The following SLC12A6 variants were observed in gnomAD, a reference collection of about 807,000 sequenced individuals.
The protein encoded by SLC12A6 is solute carrier family 12 member 6, also known as K-Cl cotransporter 3.
A neutral mutation model predicts 135.3 loss-of-function variants in SLC12A6; 66 were observed. That is an observed-to-expected ratio of 0.49 (90% CI 0.40 to 0.60). The LOEUF (loss-of-function observed/expected upper bound fraction) is 0.60, where lower values mean the gene tolerates loss of function less well. Among genes scored for constraint, SLC12A6 ranks in the 20% least tolerant of loss-of-function variants. The pLI, the probability that SLC12A6 is intolerant of heterozygous loss-of-function variation, is 0.00. For missense variants in SLC12A6, 1,058 were observed against 1,452.3 expected (o/e 0.73, Z 4.41); for synonymous variants, 513 against 508.8 (o/e 1.01, Z -0.11).
chr15:34,279,269 A>C (rs1481385469), intron 2 of SLC12A6, among the ~76,000 whole-genome samples: 1 of 151,994 alleles, frequency 6.6e-6, no homozygotes, highest in Non-Finnish European at 1.5e-5. Context: ...AGTGGAGATC[A>C]GGCCACTGCA....
chr15:34,318,636 C>A (rs757242571), intron 2 of SLC12A6: 6 of 1,613,352 alleles, frequency 3.7e-6, no homozygotes, highest in Middle Eastern at 1.7e-4. Flanking sequence ...GCCGCTGCCC[C>A]CTCCTCTGGG....
At chr15:34,321,645 C>T (rs1026733337) in intron 2 of SLC12A6, among the ~76,000 whole-genome samples, 1 of 152,066 alleles carries the variant, frequency 6.6e-6, no homozygotes, top group African/African-American at 2.4e-5. Flanking sequence ...AAATATATTC[C>T]CACAAAAGGA....
chr15:34,283,671 G>A (rs192870269), intron 2 of SLC12A6, among the ~76,000 whole-genome samples: 147 of 152,174 alleles, frequency 9.7e-4, no homozygotes, highest in African/African-American at 3.4e-3. Flanking sequence ...AAATTAGGTA[G>A]GCACTACATC....
Position 34,336,505 on chromosome 15 carries a change from G to A in SLC12A6, c.176C>T (p.Pro59Leu). ...ESVPETSRSE[P>L]MSEMSGATTS... ...GGTGGCCCCAGACATCTCACTCATA[G>A]GCTCACTCCGGCTTGTTTCAGGCAC... The change falls in exon 2 of 26, where the codon CCT (proline) becomes CTT (leucine). Residue 59 changes from proline (P) to leucine (L), a missense_variant. Transcript: ENST00000354181. The A allele has an allele frequency of 6.2e-7, 1 of 1,613,808 alleles. No homozygotes were observed. The highest frequency in any genetic ancestry group is 8.5e-7 in the Non-Finnish European group (1 of 1,179,768).
intron 13 of SLC12A6, among the ~76,000 whole-genome samples, chr15:34,248,560 ACC>A (rs1555379195): frequency 2.6e-3 from 219 of 84,976 alleles, no homozygotes; most frequent in South Asian, 3.5e-3. Flanking sequence ...ACATATATAC[ACC>A]CCCACCCACA....
chr15:34,238,643 G>A, intron 20 of SLC12A6: 3 of 599,490 alleles, frequency 5.0e-6, no homozygotes, highest in Non-Finnish European at 8.9e-6. Context: ...GGGGGGATAT[G>A]TGAATTTGAG....
intron 3 of SLC12A6, among the ~76,000 whole-genome samples, chr15:34,270,278 A>G (rs1212594803): frequency 6.7e-6 from 1 of 149,022 alleles, no homozygotes; most frequent in Non-Finnish European, 1.5e-5. Context: ...TTTTGTAGAG[A>G]TGGGTTCTTG....
chr15:34,235,409 C>T, intron 24 of SLC12A6, 95 bp from the exon 25 acceptor site: 1 of 845,856 alleles, frequency 1.2e-6, no homozygotes, highest in South Asian at 1.4e-5. Context: ...TTTCACTTGA[C>T]TATGGATAAT....
chr15:34,252,944 C>T (rs1209588324), intron 9 of SLC12A6, among the ~76,000 whole-genome samples: 1 of 152,172 alleles, frequency 6.6e-6, no homozygotes, highest in East Asian at 1.9e-4. Flanking sequence ...AGGAAAACAG[C>T]TTGGTCAGAA....
At chr15:34,301,132 C>T (rs1172178507) in intron 2 of SLC12A6, among the ~76,000 whole-genome samples, 1 of 152,052 alleles carries the variant, frequency 6.6e-6, no homozygotes, top group Non-Finnish European at 1.5e-5. Context: ...CCACACCTGG[C>T]TAATTTTGTC....
intron 3 of SLC12A6, among the ~76,000 whole-genome samples, chr15:34,274,798 CGA>C (rs1376147284): frequency 6.6e-6 from 1 of 151,318 alleles, no homozygotes; most frequent in Non-Finnish European, 1.5e-5. Flanking sequence ...GGTGACAGAG[CGA>C]GACACTGTCT....
At chr15:34,281,742 G>C (rs405080) in intron 2 of SLC12A6, among the ~76,000 whole-genome samples, 58,395 of 151,872 alleles carry the variant, frequency 0.38, 14,275 homozygotes, top group African/African-American at 0.71. Flanking sequence ...GAGCCAAGAT[G>C]GCGCCACTGC....
In SLC12A6 at chr15:34,253,311, C is replaced by T. The variant is rs189305067; in HGVS notation, c.1119-927G>A. On this transcript the variant is annotated intron_variant, in intron 9 of 25. Transcript: ENST00000354181. The stretch of plus-strand genomic sequence containing the variant: ...CAAAGAAAATACCATGCATTATGAC[C>T]GTGTACTAATCAAAAAAGAGGAGAA... Among the ~76,000 whole-genome samples, 1,276 of 152,162 alleles carry T rather than the reference C, an allele frequency of 8.4e-3. 11 individuals are homozygous for T. Among genetic ancestry groups the T allele is most frequent in the Non-Finnish European group, 0.012 (798 of 68,014 alleles).
intron 3 of SLC12A6, among the ~76,000 whole-genome samples, chr15:34,262,047 C>A (rs1232239097): frequency 6.6e-6 from 1 of 152,204 alleles, no homozygotes; most frequent in Admixed American, 6.5e-5. Flanking sequence ...GACACATGCA[C>A]TTGTATGTTC....
chr15:34,244,942 T>C (rs1480829543), intron 15 of SLC12A6, among the ~76,000 whole-genome samples: 1 of 152,184 alleles, frequency 6.6e-6, no homozygotes, highest in Non-Finnish European at 1.5e-5. Context: ...ATCTTTGTAT[T>C]CCCAGAATAC....
intron 2 of SLC12A6, among the ~76,000 whole-genome samples, chr15:34,331,783 G>A (rs145580148): frequency 2.0e-5 from 3 of 152,270 alleles, no homozygotes; most frequent in East Asian, 3.9e-4. Flanking sequence ...TGGATATGGG[G>A]TTCAATCAGA....
chr15:34,280,616 T>C (rs181025514), intron 2 of SLC12A6, among the ~76,000 whole-genome samples: 26 of 151,856 alleles, frequency 1.7e-4, no homozygotes, highest in Admixed American at 1.5e-3. Flanking sequence ...GTATGGAGAG[T>C]ACTCAAGAAA....
intron 7 of SLC12A6, among the ~76,000 whole-genome samples, 198 bp from the exon 8 acceptor site, chr15:34,255,590 T>C (rs146331907): frequency 3.3e-5 from 5 of 152,282 alleles, no homozygotes; most frequent in African/African-American, 9.6e-5. Context: ...GCACAACTAA[T>C]GTAATGAGCC....
At chr15:34,283,436 G>C (rs1292195770) in intron 2 of SLC12A6, among the ~76,000 whole-genome samples, 1 of 152,116 alleles carries the variant, frequency 6.6e-6, no homozygotes, top group Non-Finnish European at 1.5e-5. Context: ...GATTAGAGAG[G>C]CTATTTTTTA....
Sources: gnomAD v4.1 joint callset for allele counts (sites outside exome capture counted in the v4.1 genomes callset) on GRCh38, gnomAD v4.1.1 for gene constraint, MANE v1.5 for transcripts, NCBI Gene and HGNC (gene_info 2026-07-23, HGNC 2026-07-21) for gene names.